CHERP: variants seen among roughly 807,000 people sequenced by gnomAD.
CHERP encodes the protein ERPROT 213-21.
Under a neutral mutation model 113.8 loss-of-function variants are expected in CHERP, and 8 were observed. That is an observed-to-expected ratio of 0.07 (90% CI 0.04 to 0.13). The LOEUF is 0.13. Ranked by LOEUF, CHERP falls within the 10% of genes least tolerant of loss-of-function variation. The pLI, the probability that CHERP is intolerant of heterozygous loss-of-function variation, is 1.00. For synonymous variants in CHERP, 559 were observed against 524.5 expected (o/e 1.07, Z -0.90); for missense variants, 884 against 1,298.2 (o/e 0.68, Z 4.90).
At chr19:16,531,009 C>T (rs1287303027) in intron 5 of CHERP, 129 bp from the exon 6 acceptor site, 41 of 1,436,204 alleles carry the variant, frequency 2.9e-5, no homozygotes, top group Non-Finnish European at 3.3e-5. Context: ...CCGGTCAGGG[C>T]GATGGCTGGG....
At chr19:16,533,587 T>C (rs545661774) in intron 3 of CHERP, among the ~76,000 whole-genome samples, 129 of 152,222 alleles carry the variant, frequency 8.5e-4, no homozygotes, top group Non-Finnish European at 1.6e-3. Flanking sequence ...CGAAACCTCA[T>C]CTCTACAAAA....
chr19:16,538,802 A>T (rs77146025), intron 2 of CHERP, among the ~76,000 whole-genome samples: 3,984 of 141,608 alleles, frequency 0.028, 123 homozygotes, highest in Admixed American at 0.09. Flanking sequence ...CCAGAAAGGG[A>T]AAGCAGCCCT....
chr19:16,532,223 A>C lies in CHERP; in HGVS notation c.674+375T>G. The stretch of plus-strand genomic sequence containing the variant: ...TGTGTGTGCGTGCAAATCAGTGACG[A>C]GGGCAGGAGACAGACACAGAGGCCA... On this transcript the variant is annotated intron_variant, in intron 5 of 16. Transcript: ENST00000546361. This position sits in a 1 kb window ranked among gnomAD's most constrained non-coding sequence, Gnocchi z 4.4. 4.9e-6 allele frequency: 1 copy of C among 205,404 alleles called. No homozygotes were observed. The highest frequency in any genetic ancestry group is 9.9e-6 in the Non-Finnish European group (1 of 100,700). The allele number at this position is 205,404 out of a possible 1,614,324, so 12.7% of individuals were successfully genotyped here.
intron 3 of CHERP, 147 bp from the exon 4 acceptor site, chr19:16,533,295 C>A (rs2085719636): frequency 2.7e-6 from 2 of 739,138 alleles, no homozygotes; most frequent in Non-Finnish European, 4.4e-6. Flanking sequence ...CCTTGCTTGT[C>A]CCCAGCAGGA....
intron 3 of CHERP, among the ~76,000 whole-genome samples, chr19:16,534,021 G>A (rs901015840): frequency 1.3e-5 from 2 of 151,688 alleles, no homozygotes; most frequent in East Asian, 1.9e-4. Context: ...ATGAACAGAA[G>A]CTGAGGGTGA....
In CHERP at chr19:16,523,387, G is replaced by C; in HGVS notation, c.1742-97C>G. On this transcript the variant is annotated intron_variant, in intron 10 of 16. Coordinates refer to ENST00000546361, the MANE Select transcript of CHERP (RefSeq NM_006387.6). The surrounding 1 kb of genome is among the most constrained non-coding windows in gnomAD (Gnocchi z 4.0). ...GGGGCTCAGTGAAGGGCCAGGAGAC[G>C]AACCCCTCCTGGGAGCCTGTCCAGC... The C allele has an allele frequency of 7.1e-7, 1 of 1,411,100 alleles. No individual in the cohort carries two copies. The highest frequency in any genetic ancestry group is 2.5e-5 in the East Asian group (1 of 40,624). 87.4% of individuals were successfully genotyped at this position (1,411,100 alleles called of 1,614,324 possible).
rs750350168 is a variant in CHERP at position 16,533,183 on chromosome 19, G to A, written c.385-35C>T. On this transcript the variant is annotated intron_variant, in intron 3 of 16. Coordinates refer to ENST00000546361, the MANE Select transcript of CHERP (RefSeq NM_006387.6). ...GGGGTCGGTGGGGTCGAGAACACAT[G>A]AGGAGGGACCCGCAGCCTGAGCCCT... 3.8e-6 allele frequency: 6 copies of A among 1,559,916 alleles called. No homozygotes were observed. The South Asian group carries it at 5.9e-5, about 15-fold the overall frequency.
chr19:16,520,612 G>A lies in CHERP; in HGVS notation c.2202-105C>T, dbSNP rs2085603601. On this transcript the variant is annotated intron_variant, in intron 13 of 16. Coordinates refer to ENST00000546361, the MANE Select transcript of CHERP (RefSeq NM_006387.6). The surrounding 1 kb of genome is among the most constrained non-coding windows in gnomAD (Gnocchi z 4.0). ...CACCCCAGATGCAGGGGCTCTGGCT[G>A]TGGATGTGGCGCCATAGCCACAGCA... The A allele has an allele frequency of 7.4e-7, 1 of 1,357,136 alleles. No individual in the cohort carries two copies. Among genetic ancestry groups the A allele is most frequent in the Non-Finnish European group, 1.0e-6 (1 of 978,418 alleles). The allele number at this position is 1,357,136 out of a possible 1,614,324, so 84.1% of individuals were successfully genotyped here.
rs1373030706 is a variant in CHERP, at chr19:16,520,954, C to T, written c.2115-42G>A. The T allele has an allele frequency of 6.5e-7, 1 of 1,546,980 alleles. No individual in the cohort carries two copies. The highest frequency in any genetic ancestry group is 2.2e-5 in the East Asian group (1 of 44,562). On this transcript the variant is annotated intron_variant, in intron 12 of 16. Coordinates refer to ENST00000546361, the MANE Select transcript of CHERP (RefSeq NM_006387.6). The surrounding 1 kb of genome is among the most constrained non-coding windows in gnomAD (Gnocchi z 4.0). ...TCCGTGTGTGACCACGTGACACCCA[C>T]CCACAAGGAAGTCGTGAAAAAGTCA...
chr19:16,525,557 G>A lies in CHERP; in HGVS notation c.1426C>T (p.Arg476Cys). Residue 476 changes from arginine (R) to cysteine (C), a missense_variant, in exon 10 of 17, where the codon CGC becomes TGC. Arg to Cys is a radical substitution (Grantham distance 180, BLOSUM62 -3). This residue lies in a region of CHERP where 464 missense variants were observed against 590.1 expected (regional missense o/e 0.79). Transcript: ENST00000546361. This position sits in a 1 kb window ranked among gnomAD's most constrained non-coding sequence, Gnocchi z 6.5. ...QRGDPGWNGQ[R>C]DAPWNNQPDA... Reference sequence around the variant, plus strand: ...GGCTGGTTGTTCCAGGGCGCGTCGCGCTGGCCGTTCCAGCCGGGGTCACCG... The same window carrying A: ...GGCTGGTTGTTCCAGGGCGCGTCGCACTGGCCGTTCCAGCCGGGGTCACCG... 6.5e-7 allele frequency: 1 copy of A among 1,541,652 alleles called. No homozygotes were observed. Among genetic ancestry groups the A allele is most frequent in the Non-Finnish European group, 8.7e-7 (1 of 1,146,648 alleles).
chr19:16,525,575 G>T lies in CHERP; in HGVS notation c.1408C>A (p.Pro470Thr). The change falls in exon 10 of 17, where the codon CCC (proline) becomes ACC (threonine). Residue 470 changes from proline to threonine, a missense_variant. Pro to Thr is a conservative substitution (Grantham distance 38). Coordinates refer to ENST00000546361, the MANE Select transcript of CHERP (RefSeq NM_006387.6). This position sits in a 1 kb window ranked among gnomAD's most constrained non-coding sequence, Gnocchi z 6.5. ...EGMWGEQRGD[P>T]GWNGQRDAPW... is the part of the protein sequence containing the mutation. ...GCGTCGCGCTGGCCGTTCCAGCCGG[G>T]GTCACCGCGCTGCTCGCCCCACATG... The T allele has an allele frequency of 1.9e-6, 3 of 1,539,806 alleles. No homozygotes were observed. Among genetic ancestry groups the T allele is most frequent in the Non-Finnish European group, 2.6e-6 (3 of 1,145,948 alleles).
rs781764695 is a variant in CHERP at position 16,519,124 on chromosome 19, C to G, written c.*35G>C. ...AGCCAGGAAGGTCCCACAGCCGGCA[C>G]CGCTGGCCACCGGCGCGGCTCCCGG... On this transcript the variant is annotated 3_prime_UTR_variant, in exon 17 of 17. Coordinates refer to ENST00000546361, the MANE Select transcript of CHERP (RefSeq NM_006387.6). This position sits in a 1 kb window ranked among gnomAD's most constrained non-coding sequence, Gnocchi z 6.0. 1 of 1,590,238 alleles carries G rather than the reference C, an allele frequency of 6.3e-7. No homozygotes were observed. Among genetic ancestry groups the G allele is most frequent in the Non-Finnish European group, 8.6e-7 (1 of 1,167,518 alleles).
Position 16,520,450 on chromosome 19 carries a change from G to A in CHERP, c.2259C>T (p.Ser753=). Residue 753 remains serine, a synonymous_variant, in exon 14 of 17, where the codon TCC becomes TCT. Transcript: ENST00000546361. The surrounding 1 kb of genome is among the most constrained non-coding windows in gnomAD (Gnocchi z 4.0). ...CTGAAGACTTGGAGGATCTTGAGTT[G>A]GAGCGGGAGGAAGAACGCCCTCGAC... is the stretch of plus-strand genomic sequence containing the variant. ...SKSRGRSSSR[S]NSRSSKSSGS... 1 of 1,614,088 alleles carries A rather than the reference G, an allele frequency of 6.2e-7. No individual in the cohort carries two copies. The highest frequency in any genetic ancestry group is 8.5e-7 in the Non-Finnish European group (1 of 1,180,018).
At chr19:16,531,019 G>A in intron 5 of CHERP, 139 bp from the exon 6 acceptor site, 1 of 1,370,578 alleles carries the variant, frequency 7.3e-7, no homozygotes, top group Non-Finnish European at 9.7e-7. Flanking sequence ...CGATGGCTGG[G>A]CTCCCACGAG....
chr19:16,539,645 C>T (rs1346518077), intron 2 of CHERP: 1 of 152,186 alleles, frequency 6.6e-6, no homozygotes, highest in Non-Finnish European at 1.5e-5. Context: ...GCAGTTAACA[C>T]TCCAGGTCAA....
Position 16,525,762 on chromosome 19 carries a change from G to A in CHERP, c.1306-85C>T, listed in dbSNP as rs1390872988. On this transcript the variant is annotated intron_variant, in intron 9 of 16. Transcript: ENST00000546361. The surrounding 1 kb of genome is among the most constrained non-coding windows in gnomAD (Gnocchi z 6.5). ...TCACAGCGCTCGGCAGCATCACAGC[G>A]CTGGCTCAGACCATGGAGGCGCTGC... The A allele has an allele frequency of 1.2e-5, 15 of 1,289,300 alleles. No homozygotes were observed. Among genetic ancestry groups the A allele is most frequent in the Non-Finnish European group, 1.1e-5 (11 of 974,564 alleles). The allele number at this position is 1,289,300 out of a possible 1,614,324, so 79.9% of individuals were successfully genotyped here.
Position 16,535,464 on chromosome 19 carries a change from C to G in CHERP, c.372G>C (p.Leu124=), listed in dbSNP as rs1171918424. The G allele has an allele frequency of 6.2e-7, 1 of 1,609,020 alleles. No homozygotes were observed. Among genetic ancestry groups the G allele is most frequent in the Admixed American group, 1.7e-5 (1 of 59,414 alleles). The change falls in exon 3 of 17, where the codon CTG becomes CTC. Residue 124 remains leucine (L), a synonymous_variant. Coordinates refer to ENST00000546361, the MANE Select transcript of CHERP (RefSeq NM_006387.6). The surrounding 1 kb of genome is among the most constrained non-coding windows in gnomAD (Gnocchi z 4.3). The part of the protein sequence containing the change: ...WNLQQQEQHL[L]ALRQEQVTAA... ...GGCGGGCCCATACCTGTCTGAGCGC[C>G]AGCAAGTGCTGCTCCTGCTGCTGGA...
In CHERP at chr19:16,529,691, C is replaced by T. The variant is rs370363836; in HGVS notation, c.1086G>A (p.Pro362=). The T allele has an allele frequency of 2.0e-4, 320 of 1,572,344 alleles. No individual in the cohort carries two copies. Among genetic ancestry groups the T allele is most frequent in the Admixed American group, 4.8e-4 (26 of 53,994 alleles). Reference sequence around the variant, plus strand: ...GGATGGCAGGGGCAGGTGCTGGGGCCGGGGGTGGAGCAGGCGGTGGAGGCG... The same window carrying T: ...GGATGGCAGGGGCAGGTGCTGGGGCTGGGGGTGGAGCAGGCGGTGGAGGCG... ...KATPPPPAPP[P]APAPAPAIPP... is the part of the protein sequence containing the mutation. Residue 362 remains proline, a synonymous_variant, in exon 8 of 17, where the codon CCG becomes CCA. Transcript: ENST00000546361.
intron 2 of CHERP, chr19:16,541,106 C>T (rs1052336310): frequency 6.6e-6 from 1 of 152,076 alleles, no homozygotes; most frequent in South Asian, 2.1e-4. Flanking sequence ...ACACGCTCGC[C>T]GAAGCCAAAC....
Sources: allele counts gnomAD v4.1 joint callset (sites outside exome capture counted in the v4.1 genomes callset), GRCh38; gene constraint gnomAD v4.1.1; regional missense constraint gnomAD v4.1.1; non-coding constraint Gnocchi (gnomAD v3.1); transcripts MANE v1.5; gene names NCBI Gene and HGNC (gene_info 2026-07-23, HGNC 2026-07-21).